The following DGAT2L6 variants were observed in gnomAD, a reference collection of about 807,000 sequenced individuals.
DGAT2L6 encodes diacylglycerol O-acyltransferase 2-like protein 6.
Under a neutral mutation model 25.5 loss-of-function variants are expected in DGAT2L6, and 22 were observed. The observed-to-expected ratio is 0.86, with a 90% CI of 0.62 to 1.23. The LOEUF is 1.23. Among genes scored for constraint, DGAT2L6 ranks in the 50% most tolerant of loss-of-function variants. The pLI is 0.00. For synonymous variants in DGAT2L6, 100 were observed against 94.7 expected, an observed-to-expected ratio of 1.06 and a Z score of -0.32; for missense variants, 287 against 253.2, an observed-to-expected ratio of 1.13 and a Z score of -0.91.
At chrX:70,200,596 G>T in intron 4 of DGAT2L6, 137 bp downstream of exon 4, 1 of 563,824 alleles carries the variant, frequency 1.8e-6, no homozygotes, top group South Asian at 3.2e-5. Context: ...CGTAACAGGA[G>T]TATGTGGCTA....
chrX:70,205,030 G>C lies in DGAT2L6; in HGVS notation c.938G>C (p.Ser313Thr). 8.3e-7 allele frequency: 1 copy of C among 1,207,533 alleles called. No homozygotes were observed. The highest frequency in any genetic ancestry group is 1.1e-6 in the Non-Finnish European group (1 of 893,841). The change falls in exon 7 of 7, where the codon AGT (serine) becomes ACT (threonine). Residue 313 changes from serine (S) to threonine (T), a missense_variant. By Grantham distance (58) the Ser-to-Thr change is moderately conservative (BLOSUM62 1). Transcript: ENST00000333026. ...GACAAGTATCACGCACTCTACATCA[G>C]TGCCCTGCGCAAGCTCTTTGACCAA... ...TVDKYHALYI[S>T]ALRKLFDQHK...
intron 1 of DGAT2L6, among the ~76,000 whole-genome samples, chrX:70,189,451 G>T (rs2147605046): frequency 8.9e-6 from 1 of 111,952 alleles, no homozygotes; most frequent in African/African-American, 3.2e-5. Flanking sequence ...GCTAAAAACT[G>T]TAAAATGCTG....
At chrX:70,196,029 C>T (rs1488723955) in intron 1 of DGAT2L6, among the ~76,000 whole-genome samples, 1 of 111,721 alleles carries the variant, frequency 9.0e-6, no homozygotes, top group Admixed American at 9.5e-5. Context: ...GTAATCATCA[C>T]ACAATGTATA....
intron 1 of DGAT2L6, among the ~76,000 whole-genome samples, chrX:70,193,599 A>G (rs930215806): frequency 8.9e-6 from 1 of 112,342 alleles, no homozygotes; most frequent in Non-Finnish European, 1.9e-5. Flanking sequence ...TTCAACATGC[A>G]TATGTCAATA....
At chrX:70,187,759 C>T (rs1039856205) in intron 1 of DGAT2L6, among the ~76,000 whole-genome samples, 11 of 111,768 alleles carry the variant, frequency 9.8e-5, no homozygotes, top group African/African-American at 3.6e-4. Flanking sequence ...GTGGCTTTGA[C>T]CAAGTGGTAG....
intron 1 of DGAT2L6, among the ~76,000 whole-genome samples, chrX:70,180,617 T>C (rs2085340622): frequency 9.0e-6 from 1 of 111,515 alleles, no homozygotes; most frequent in Non-Finnish European, 1.9e-5. Context: ...ATTAAGTACA[T>C]TCACAATGCA....
Position 70,200,430 on chromosome X carries a change from CAATTGTGCGAG to C in DGAT2L6, c.447_457del (p.Val150CysfsTer11). 8.3e-7 allele frequency: 1 copy of C among 1,211,192 alleles called. No homozygotes were observed. Among genetic ancestry groups the C allele is most frequent in the African/African-American group, 1.7e-5 (1 of 57,753 alleles). ...ACCTTAGAAAGGATATTTTGGATCC[CAATTGTGCGAG>C]AATATGTGATGTCAATGGGTGAGTA... On this transcript the variant is annotated frameshift_variant, in exon 4 of 7. Transcript: ENST00000333026. LOFTEE classifies it high-confidence loss of function.
At chrX:70,188,466 T>C (rs895741455) in intron 1 of DGAT2L6, among the ~76,000 whole-genome samples, 4 of 111,785 alleles carry the variant, frequency 3.6e-5, no homozygotes, top group Non-Finnish European at 7.5e-5. Flanking sequence ...ATCACTATAA[T>C]CTTAATTTTA....
chrX:70,201,861 T>G, intron 4 of DGAT2L6, 29 bp from the exon 5 acceptor site: 1 of 1,138,282 alleles, frequency 8.8e-7, no homozygotes, highest in Non-Finnish European at 1.2e-6. Flanking sequence ...AATGAAGTTT[T>G]TCTACCACTT....
In DGAT2L6 at chrX:70,199,283, T is replaced by C; in HGVS notation, c.98T>C (p.Ile33Thr). The change falls in exon 2 of 7, where the codon ATT becomes ACT. Residue 33 changes from isoleucine (I) to threonine (T), a missense_variant. Ile to Thr is a moderately conservative substitution (Grantham distance 89). Transcript: ENST00000333026. The part of the protein sequence containing the change: ...PVYIFLGAIP[I>T]LLIPYFLLFS... ...TGTGTCTCCCCAGGAGCTATTCCCA[T>C]TCTCCTTATACCCTACTTTCTGTTA... is the stretch of plus-strand genomic sequence containing the variant. 2 of 1,182,972 alleles carry C rather than the reference T, an allele frequency of 1.7e-6. No homozygotes were observed. Among genetic ancestry groups the C allele is most frequent in the Non-Finnish European group, 2.3e-6 (2 of 878,216 alleles).
intron 3 of DGAT2L6, among the ~76,000 whole-genome samples, 168 bp from the exon 4 acceptor site, chrX:70,200,087 C>T (rs935219193): frequency 2.7e-5 from 3 of 111,668 alleles, no homozygotes; most frequent in Admixed American, 9.5e-5. Flanking sequence ...CCAGGTCAGC[C>T]TCTCTGACCA....
intron 1 of DGAT2L6, among the ~76,000 whole-genome samples, chrX:70,180,166 T>A (rs968588200): frequency 1.8e-5 from 2 of 109,919 alleles, no homozygotes; most frequent in African/African-American, 6.6e-5. Context: ...TAAGAATAAA[T>A]GGGGCCAGGT....
At chrX:70,204,625 G>A (rs987432101) in intron 6 of DGAT2L6, 109 bp downstream of exon 6, 9 of 932,762 alleles carry the variant, frequency 9.6e-6, no homozygotes, top group Admixed American at 2.8e-5. Flanking sequence ...GATGGGCAAT[G>A]GGTGTGGTTA....
rs746245649 is a variant in DGAT2L6, at chrX:70,183,567, A to T, written c.85+5900A>T. Among the ~76,000 whole-genome samples the T allele has an allele frequency of 4.5e-5, 5 of 111,984 alleles. No homozygotes were observed. The East Asian group carries it at 1.4e-3, about 31-fold the overall frequency. On this transcript the variant is annotated intron_variant, in intron 1 of 6. Coordinates refer to ENST00000333026, the MANE Select transcript of DGAT2L6 (RefSeq NM_198512.3). ...TCCATGAGAACAGGAGCCCTTTCTT[A>T]TCATTATTATATTTCATGCAAGACC... is the stretch of plus-strand genomic sequence containing the variant.
intron 4 of DGAT2L6, 86 bp from the exon 5 acceptor site, chrX:70,201,804 G>T (rs2085411377): frequency 1.2e-5 from 12 of 984,433 alleles, no homozygotes; most frequent in Admixed American, 3.4e-5. Context: ...CAGAAGAACT[G>T]TCTCCAAAAG....
chrX:70,193,257 G>A (rs2085380654), intron 1 of DGAT2L6, among the ~76,000 whole-genome samples: 2 of 107,961 alleles, frequency 1.9e-5, no homozygotes, highest in Non-Finnish European at 3.8e-5. Context: ...GCAGTGAGCC[G>A]AGATCGCGCC....
At position 70,200,235 on chromosome X, in the gene DGAT2L6, A is replaced by C; in HGVS notation, c.268-20A>C. 1 of 1,175,829 alleles carries C rather than the reference A, an allele frequency of 8.5e-7. No homozygotes were observed. Among genetic ancestry groups the C allele is most frequent in the Non-Finnish European group, 1.2e-6 (1 of 863,562 alleles). ...TTCCTTCTTTGTAGCCAATGCTCTG[A>C]CTCAATTTCCCTCTAACAGCTGGTG... On this transcript the variant is annotated intron_variant, in intron 3 of 6. Transcript: ENST00000333026.
chrX:70,202,879 T>G (rs1157167175), intron 5 of DGAT2L6, among the ~76,000 whole-genome samples: 1 of 111,877 alleles, frequency 8.9e-6, no homozygotes, highest in Non-Finnish European at 1.9e-5. Context: ...TTATAGGGGC[T>G]TGCAAGACGC....
chrX:70,179,176 T>A (rs191391998), intron 1 of DGAT2L6, among the ~76,000 whole-genome samples: 60 of 112,520 alleles, frequency 5.3e-4, no homozygotes, highest in African/African-American at 1.8e-3. Flanking sequence ...TGCAGACTTA[T>A]TAAGCCTTAT....
Sources: allele counts gnomAD v4.1 joint callset (sites outside exome capture counted in the v4.1 genomes callset), GRCh38; gene constraint gnomAD v4.1.1; transcripts MANE v1.5; gene names NCBI Gene and HGNC (gene_info 2026-07-23, HGNC 2026-07-21).